RTL4: variants seen among roughly 807,000 people sequenced by gnomAD.
RTL4 encodes retrotransposon Gag like 4, also known as retrotransposon Gag-like protein 4.
Under a neutral mutation model 5.3 loss-of-function variants are expected in RTL4, and 4 were observed. The observed-to-expected ratio is 0.75, with a 90% CI of 0.37 to 1.72. The LOEUF is 1.72. Among genes scored for constraint, RTL4 ranks in the 40% most tolerant of loss-of-function variants. The pLI is 0.04. For missense variants in RTL4, 260 were observed against 227.1 expected (o/e 1.14, Z -0.93); for synonymous variants, 98 against 87.3 (o/e 1.12, Z -0.68).
chrX:112,124,928 T>G, the RTL4 span, among the ~76,000 whole-genome samples: 9 of 111,470 alleles, frequency 8.1e-5, no homozygotes, highest in Non-Finnish European at 1.1e-4. Flanking sequence ...TTAGAGACAG[T>G]CTTTCTGTCT....
At chrX:112,146,647 G>T in the RTL4 span, among the ~76,000 whole-genome samples, 4 of 109,841 alleles carry the variant, frequency 3.6e-5, no homozygotes, top group Non-Finnish European at 7.6e-5. Flanking sequence ...AGTGAGGTAG[G>T]AGGACAAATC....
chrX:112,144,569 C>T, the RTL4 span, among the ~76,000 whole-genome samples: 4 of 111,625 alleles, frequency 3.6e-5, no homozygotes, highest in Non-Finnish European at 7.5e-5. Flanking sequence ...AAAAATGGCT[C>T]TCAAACCTGA....
the RTL4 span, among the ~76,000 whole-genome samples, chrX:112,345,267 C>G: frequency 9.0e-6 from 1 of 111,209 alleles, no homozygotes; most frequent in East Asian, 2.9e-4. Flanking sequence ...CTGGCTGTCA[C>G]TGTTAGAACT....
chrX:112,309,846 A>G, the RTL4 span, among the ~76,000 whole-genome samples: 23 of 106,765 alleles, frequency 2.2e-4, no homozygotes, highest in African/African-American at 7.8e-4. Flanking sequence ...ATATGTATAC[A>G]CATATATACA....
chrX:112,403,138 C>G, the RTL4 span, among the ~76,000 whole-genome samples: 1 of 111,358 alleles, frequency 9.0e-6, no homozygotes, highest in Admixed American at 9.5e-5. Flanking sequence ...AAATGCATCC[C>G]CCCCAACCTT....
the RTL4 span, among the ~76,000 whole-genome samples, chrX:112,311,433 T>TA: frequency 9.0e-6 from 1 of 110,682 alleles, no homozygotes; most frequent in African/African-American, 3.3e-5. Flanking sequence ...CTAACAGGTT[T>TA]CATTTCTAGG....
the RTL4 span, among the ~76,000 whole-genome samples, chrX:112,263,500 T>G: frequency 1.8e-5 from 2 of 112,183 alleles, no homozygotes; most frequent in South Asian, 3.7e-4. Flanking sequence ...CACCACTGTT[T>G]TACTCTCTGC....
chrX:112,355,126 A>C, the RTL4 span, among the ~76,000 whole-genome samples: 1 of 111,624 alleles, frequency 9.0e-6, no homozygotes, highest in African/African-American at 3.3e-5. Flanking sequence ...CAAAAAATAA[A>C]GTTGAGTTCT....
At chrX:112,267,098 A>G in the RTL4 span, among the ~76,000 whole-genome samples, 1 of 111,561 alleles carries the variant, frequency 9.0e-6, no homozygotes, top group Non-Finnish European at 1.9e-5. Flanking sequence ...TATCACTCAC[A>G]TCTTAAAGAA....
the RTL4 span, among the ~76,000 whole-genome samples, chrX:112,184,903 T>C: frequency 9.0e-6 from 1 of 111,681 alleles, no homozygotes; most frequent in Admixed American, 9.6e-5. Context: ...CTTTTGAGAC[T>C]GCAAATAATC....
At chrX:112,366,365 A>G in the RTL4 span, among the ~76,000 whole-genome samples, 1 of 111,724 alleles carries the variant, frequency 9.0e-6, no homozygotes, top group Non-Finnish European at 1.9e-5. Flanking sequence ...AGCCTGACAT[A>G]TGCTACACAG....
the RTL4 span, among the ~76,000 whole-genome samples, chrX:112,288,269 A>C: frequency 8.9e-6 from 1 of 112,420 alleles, no homozygotes; most frequent in Non-Finnish European, 1.9e-5. Flanking sequence ...ATTGATTGCC[A>C]GGTTGCTAGT....
At chrX:112,345,667 A>G in the RTL4 span, among the ~76,000 whole-genome samples, 1 of 111,008 alleles carries the variant, frequency 9.0e-6, no homozygotes, top group Admixed American at 9.7e-5. Flanking sequence ...TGGAGTTCAG[A>G]ACTTTACCTA....
chrX:112,099,452 G>A, the RTL4 span, among the ~76,000 whole-genome samples: 1 of 111,270 alleles, frequency 9.0e-6, no homozygotes, highest in Non-Finnish European at 1.9e-5. Context: ...GAATCAAAGT[G>A]TGCCAAAGAA....
At chrX:112,298,503 A>G in the RTL4 span, among the ~76,000 whole-genome samples, 2 of 111,928 alleles carry the variant, frequency 1.8e-5, no homozygotes, top group East Asian at 2.8e-4. Context: ...CATGGGAGCA[A>G]CTTACTTTAG....
chrX:112,390,794 T>C, the RTL4 span, among the ~76,000 whole-genome samples: 1 of 111,436 alleles, frequency 9.0e-6, no homozygotes, highest in African/African-American at 3.3e-5. Context: ...ATTATGTGTT[T>C]AGAGGATAAT....
At chrX:112,175,262 TG>T in the RTL4 span, among the ~76,000 whole-genome samples, 1 of 91,268 alleles carries the variant, frequency 1.1e-5, no homozygotes, top group African/African-American at 4.0e-5. Context: ...TTGTATAAGG[TG>T]TAAGGAAGGG....
chrX:112,455,810 A>C (rs1443404086), exon 1 of RTL4: 2 of 557,454 alleles, frequency 3.6e-6, no homozygotes, highest in Non-Finnish European at 5.5e-6. Context: ...TTAAACAATC[A>C]GATCTTGTTC....
chrX:112,417,222 G>A, the RTL4 span, among the ~76,000 whole-genome samples: 37 of 111,719 alleles, frequency 3.3e-4, no homozygotes, highest in African/African-American at 1.1e-3. Context: ...AGTGGGCACA[G>A]ATTGAAGATG....
Sources: gnomAD v4.1 joint callset for allele counts (sites outside exome capture counted in the v4.1 genomes callset) on GRCh38, gnomAD v4.1.1 for gene constraint, MANE v1.5 for transcripts, NCBI Gene and HGNC (gene_info 2026-07-23, HGNC 2026-07-21) for gene names.